Variants in WDR81 observed in about 807,000 individuals in gnomAD.
WDR81 encodes WD repeat domain 81, also known as WD repeat-containing protein 81.
Under a neutral mutation model 140.8 loss-of-function variants are expected in WDR81, and 92 were observed. The ratio of observed to expected loss-of-function variants is 0.65; its 90% CI spans 0.55 to 0.78. The LOEUF is 0.78. Among genes scored for constraint, WDR81 ranks in the 30% least tolerant of loss-of-function variants. The pLI is 0.00. For synonymous variants in WDR81, 1,183 were observed against 1,156.4 expected (o/e 1.02, Z -0.47); for missense variants, 2,502 against 2,636.4 (o/e 0.95, Z 1.12).
Position 1,725,697 on chromosome 17 carries a change from C to T in WDR81, c.738C>T (p.Val246=). 1 of 1,549,668 alleles carries T rather than the reference C, an allele frequency of 6.5e-7. No individual in the cohort carries two copies. The highest frequency in any genetic ancestry group is 8.7e-7 in the Non-Finnish European group (1 of 1,147,018). ...TACAGTTCTCCCTACATGACGTGGT[C>T]ACCTTCAGCCCTGCCAAGCTGACCA... The part of the protein sequence containing the change: ...PYVQFSLHDV[V]TFSPAKLTNS... Residue 246 remains valine, a synonymous_variant, in exon 1 of 10, where the codon GTC becomes GTT. Transcript: ENST00000409644.
rs1311315152 is a variant in WDR81 at position 1,716,912 on chromosome 17, T to C, written c.-124+279T>C. 5.5e-6 allele frequency: 3 copies of C among 550,332 alleles called. No homozygotes were observed. The African/African-American group carries it at 5.7e-5, about 10-fold the overall frequency. The allele number at this position is 550,332 out of a possible 1,614,324, so 34.1% of individuals were successfully genotyped here. On this transcript the variant is annotated intron_variant, in intron 1 of 10. Coordinates refer to the WDR81 transcript ENST00000309182. ...GTGCTCGCCTCGCCCAGCCCACTCC[T>C]CCTGGGGGCTCTTCCTAACCACAGG... is the stretch of plus-strand genomic sequence containing the variant.
Position 1,728,526 on chromosome 17 carries a change from C to T in WDR81, c.3567C>T (p.Ser1189=), listed in dbSNP as rs1915461139. ...TCACTCTGTCTGACACGGTGCTGTC[C>T]ATGGAGACGGTTGTGGCCGGCGGCA... ...SELTLSDTVL[S]METVVAGGSG... Residue 1189 remains serine, a synonymous_variant, in exon 1 of 10, where the codon TCC becomes TCT. Coordinates refer to ENST00000409644, the MANE Select transcript of WDR81 (RefSeq NM_001163809.2). 3 of 1,565,716 alleles carry T rather than the reference C, an allele frequency of 1.9e-6. No individual in the cohort carries two copies. Among genetic ancestry groups the T allele is most frequent in the Admixed American group, 1.9e-5 (1 of 52,036 alleles).
At chr17:1,734,672 A>T (rs1904698315) in intron 7 of WDR81, among the ~76,000 whole-genome samples, 1 of 151,804 alleles carries the variant, frequency 6.6e-6, no homozygotes, top group Non-Finnish European at 1.5e-5. Flanking sequence ...CCAACTACAC[A>T]GGAGGCTGAG....
In WDR81 at chr17:1,733,578, C is replaced by T. The variant is rs761871089; in HGVS notation, c.4541C>T (p.Ala1514Val). 31 of 1,531,044 alleles carry T rather than the reference C, an allele frequency of 2.0e-5. No individual in the cohort carries two copies. Among genetic ancestry groups the T allele is most frequent in the East Asian group, 2.3e-5 (1 of 44,014 alleles). The allele number at this position is 1,531,044 out of a possible 1,614,324, so 94.8% of individuals were successfully genotyped here. ...AACCACGAGCTGGTTGGGGAGCTGG[C>T]GGCGCTGTACTTGGAGAGCATCAGC... ...IPNHELVGEL[A>V]ALYLESISPS... Residue 1514 changes from alanine to valine, a missense_variant, in exon 7 of 10, where the codon GCG becomes GTG. Transcript: ENST00000409644.
Position 1,738,557 on chromosome 17 carries a change from T to C in WDR81, c.*872T>C, listed in dbSNP as rs1905082142. On this transcript the variant is annotated 3_prime_UTR_variant, in exon 10 of 10. Transcript: ENST00000409644. ...TCTCACAATTTGCAATAGATGTAAA[T>C]AGGACCAATAAATCCTTTGGAAGAG... is the stretch of plus-strand genomic sequence containing the variant. 1 of 152,270 alleles carries C rather than the reference T, an allele frequency of 6.6e-6. No individual in the cohort carries two copies. The highest frequency in any genetic ancestry group is 1.5e-5 in the Non-Finnish European group (1 of 68,490). 9.4% of individuals were successfully genotyped at this position (152,270 alleles called of 1,614,324 possible). A position where few individuals can be genotyped will look rare whatever the true frequency, so the allele number is the denominator to read the frequency against.
intron 6 of WDR81, chr17:1,733,058 G>A: frequency 1.8e-6 from 1 of 554,376 alleles, no homozygotes; most frequent in Non-Finnish European, 3.1e-6. Context: ...AGTGTCCCTG[G>A]GGAAGGCAGG....
rs772988628 is a variant in WDR81 at position 1,730,840 on chromosome 17, G to A, written c.3861G>A (p.Leu1287=). 2 of 1,612,750 alleles carry A rather than the reference G, an allele frequency of 1.2e-6. No homozygotes were observed. Among genetic ancestry groups the A allele is most frequent in the Non-Finnish European group, 1.7e-6 (2 of 1,179,972 alleles). The part of the protein sequence containing the change: ...AGNIYQKRPV[L]GDIVSGPVLS... ...ACATCTACCAGAAGAGGCCGGTCCT[G>A]GGCGACATCGTGTCAGGGCCTGTGC... The change falls in exon 3 of 10, where the codon CTG becomes CTA. Residue 1287 remains leucine (L), a synonymous_variant. Coordinates refer to ENST00000409644, the MANE Select transcript of WDR81 (RefSeq NM_001163809.2).
At position 1,727,541 on chromosome 17, in the gene WDR81, G is replaced by A. The variant is rs888823229; in HGVS notation, c.2582G>A (p.Ser861Asn). 40 of 1,550,316 alleles carry A rather than the reference G, an allele frequency of 2.6e-5. No individual in the cohort carries two copies. The highest frequency in any genetic ancestry group is 3.5e-5 in the Non-Finnish European group (40 of 1,147,004). Reference sequence around the variant, plus strand: ...CAGGGCCTGCCCCCACCCTGCCCAAGCCAGCTTCTCAGCCCCTTCAGCTCC... The same window carrying A: ...CAGGGCCTGCCCCCACCCTGCCCAAACCAGCTTCTCAGCCCCTTCAGCTCC... The part of the protein sequence containing the change: ...VSQGLPPPCP[S>N]QLLSPFSSVV... Residue 861 changes from serine (S) to asparagine (N), a missense_variant, in exon 1 of 10, where the codon AGC becomes AAC. Physicochemically the swap from Ser to Asn is conservative, Grantham distance 46. Transcript: ENST00000409644.
Position 1,735,994 on chromosome 17 carries a change from G to A in WDR81, c.5326-45G>A. ...TGGTGGGCAGGGCCTTGGGGAGTGT[G>A]AGATGGGAAGGTGGTGCCTCAGCTC... On this transcript the variant is annotated intron_variant, in intron 8 of 9. Coordinates refer to ENST00000409644, the MANE Select transcript of WDR81 (RefSeq NM_001163809.2). This position sits in a 1 kb window ranked among gnomAD's most constrained non-coding sequence, Gnocchi z 4.2. The A allele has an allele frequency of 6.4e-7, 1 of 1,554,580 alleles. No individual in the cohort carries two copies. The highest frequency in any genetic ancestry group is 8.7e-7 in the Non-Finnish European group (1 of 1,155,098).
rs184512325 is a variant in WDR81 at position 1,736,433 on chromosome 17, G to A, written c.5505+215G>A. On this transcript the variant is annotated intron_variant, in intron 9 of 9. Coordinates refer to ENST00000409644, the MANE Select transcript of WDR81 (RefSeq NM_001163809.2). ...TCAGCAGGAGGCAGGCCATGGGGGC[G>A]GGAGCCACGGGGCAGTGGGGCGGGA... is the stretch of plus-strand genomic sequence containing the variant. Among the ~76,000 whole-genome samples, 88 of 152,274 alleles carry A rather than the reference G, an allele frequency of 5.8e-4. 4 individuals are homozygous for A. In the East Asian group the frequency reaches 7.1e-3, roughly 12 times the overall value.
chr17:1,726,255 G>A lies in WDR81; in HGVS notation c.1296G>A (p.Gly432=). 6.5e-7 allele frequency: 1 copy of A among 1,534,884 alleles called. No homozygotes were observed. Among genetic ancestry groups the A allele is most frequent in the South Asian group, 1.2e-5 (1 of 81,444 alleles). Residue 432 remains glycine (G), a synonymous_variant, in exon 1 of 10, where the codon GGG becomes GGA. Coordinates refer to ENST00000409644, the MANE Select transcript of WDR81 (RefSeq NM_001163809.2). ...QAFVAGGAGG[G]EPPHVPHHIS... ...TCGTAGCAGGCGGGGCGGGCGGCGG[G>A]GAACCCCCTCATGTTCCCCACCACA... is the stretch of plus-strand genomic sequence containing the variant.
In WDR81 at chr17:1,734,144, G is replaced by T. The variant is rs770827829; in HGVS notation, c.5107G>T (p.Val1703Leu). 6.3e-7 allele frequency: 1 copy of T among 1,599,134 alleles called. No homozygotes were observed. Among genetic ancestry groups the T allele is most frequent in the Non-Finnish European group, 8.5e-7 (1 of 1,179,664 alleles). Reference sequence around the variant, plus strand: ...CCAGCACCGCAAGAGCGTCTTCTTCGTGGGCCAGCTTGAGGCCCCGCAGCA... The same window carrying T: ...CCAGCACCGCAAGAGCGTCTTCTTCTTGGGCCAGCTTGAGGCCCCGCAGCA... ...YTQHRKSVFF[V>L]GQLEAPQHVV... is the part of the protein sequence containing the mutation. Residue 1703 changes from valine to leucine, a missense_variant, in exon 7 of 10, where the codon GTG becomes TTG. Physicochemically the swap from Val to Leu is conservative, Grantham distance 32. Around this residue, in one of 3 missense-constraint regions of WDR81, gnomAD observed 1,737 missense variants for 1,843.0 expected, o/e 0.94. Transcript: ENST00000409644.
chr17:1,727,822 C>T lies in WDR81; in HGVS notation c.2863C>T (p.Pro955Ser). The change falls in exon 1 of 10, where the codon CCC (proline) becomes TCC (serine). Residue 955 changes from proline (P) to serine (S), a missense_variant. Pro to Ser is a moderately conservative substitution (Grantham distance 74). Around this residue, in one of 3 missense-constraint regions of WDR81, gnomAD observed 1,737 missense variants for 1,843.0 expected, o/e 0.94. Coordinates refer to ENST00000409644, the MANE Select transcript of WDR81 (RefSeq NM_001163809.2). ...TGAGCCTGTTGCCAAGGCACTGGGC[C>T]CCAAAAATGCCAATAAGTACCTCCT... ...LFEPVAKALGPKNANKYLLKP... is the reference protein window; with the variant it reads ...LFEPVAKALGSKNANKYLLKP... 1 of 1,550,600 alleles carries T rather than the reference C, an allele frequency of 6.4e-7. No individual in the cohort carries two copies. The highest frequency in any genetic ancestry group is 1.2e-5 in the South Asian group (1 of 84,066).
Position 1,735,632 on chromosome 17 carries a change from T to C in WDR81, c.5240T>C (p.Val1747Ala). 6.2e-7 allele frequency: 1 copy of C among 1,612,854 alleles called. No individual in the cohort carries two copies. Among genetic ancestry groups the C allele is most frequent in the Non-Finnish European group, 8.5e-7 (1 of 1,179,904 alleles). ...CGGGTGCCCCTGACTGCGGTGGCTG[T>C]CATGCCCGCCCCCCACACCAGCATC... ...DSRVPLTAVAVMPAPHTSITM... is the reference protein window; with the variant it reads ...DSRVPLTAVAAMPAPHTSITM... Residue 1747 changes from valine to alanine, a missense_variant, in exon 8 of 10, where the codon GTC (valine) becomes GCC (alanine). By Grantham distance (64) the Val-to-Ala change is moderately conservative (BLOSUM62 0). Around this residue, in one of 3 missense-constraint regions of WDR81, gnomAD observed 1,737 missense variants for 1,843.0 expected, o/e 0.94. Transcript: ENST00000409644. The surrounding 1 kb of genome is among the most constrained non-coding windows in gnomAD (Gnocchi z 4.2).
Position 1,737,632 on chromosome 17 carries a change from A to T in WDR81, c.5773A>T (p.Lys1925Ter), listed in dbSNP as rs1467317243. The change falls in exon 10 of 10, where the codon AAA becomes TAA. Residue 1925 changes from lysine to a stop codon, truncating the protein, a stop_gained. Coordinates refer to ENST00000409644, the MANE Select transcript of WDR81 (RefSeq NM_001163809.2). LOFTEE classifies it high-confidence loss of function. The stretch of plus-strand genomic sequence containing the variant: ...CACCAGCCTGGCCTTGCTGCCCACT[A>T]AACGCCACCTCCTGCTGGGCTCAGA... The part of the protein sequence containing the change: ...TLTSLALLPT[K>*]RHLLLGSDNG... 1 of 1,612,336 alleles carries T rather than the reference A, an allele frequency of 6.2e-7. No individual in the cohort carries two copies. Among genetic ancestry groups the T allele is most frequent in the Non-Finnish European group, 8.5e-7 (1 of 1,179,958 alleles).
Position 1,727,891 on chromosome 17 carries a change from G to A in WDR81, c.2932G>A (p.Gly978Ser), listed in dbSNP as rs777950860. 26 of 1,550,624 alleles carry A rather than the reference G, an allele frequency of 1.7e-5. No individual in the cohort carries two copies. Among genetic ancestry groups the A allele is most frequent in the South Asian group, 1.5e-4 (13 of 84,066 alleles). The change falls in exon 1 of 10, where the codon GGC (glycine) becomes AGC (serine). Residue 978 changes from glycine to serine, a missense_variant. By Grantham distance (56) the Gly-to-Ser change is moderately conservative. This residue lies in a region of WDR81 where 1,737 missense variants were observed against 1,843.0 expected (regional missense o/e 0.94). Transcript: ENST00000409644. Reference protein sequence around the residue: ...GAYESPCQLHGRFYLYTDCFV... With the variant: ...GAYESPCQLHSRFYLYTDCFV... The stretch of plus-strand genomic sequence containing the variant: ...CTACGAGAGCCCCTGCCAGCTACAC[G>A]GCCGCTTCTACCTGTACACGGACTG...
At position 1,724,982 on chromosome 17, in the gene WDR81, G is replaced by C; in HGVS notation, c.23G>C (p.Arg8Pro). 1 of 1,459,636 alleles carries C rather than the reference G, an allele frequency of 6.9e-7. No homozygotes were observed. The highest frequency in any genetic ancestry group is 1.4e-5 in the South Asian group (1 of 70,832). 90.4% of individuals were successfully genotyped at this position (1,459,636 alleles called of 1,614,324 possible). A position where few individuals can be genotyped will look rare whatever the true frequency, so the allele number is the denominator to read the frequency against. ...GAGATGGCCCAGGGCAGCGGGGGGC[G>C]GGAAGGCGCTCTCAGAACCCCGGCC... MAQGSGGREGALRTPAGG... is the reference protein window; with the variant it reads MAQGSGGPEGALRTPAGG... Residue 8 changes from arginine to proline, a missense_variant, in exon 1 of 10, where the codon CGG becomes CCG. Coordinates refer to ENST00000409644, the MANE Select transcript of WDR81 (RefSeq NM_001163809.2).
chr17:1,737,178 C>T (rs766088329), intron 9 of WDR81, among the ~76,000 whole-genome samples, 187 bp from the exon 10 acceptor site: 6 of 152,156 alleles, frequency 3.9e-5, no homozygotes, highest in East Asian at 1.9e-4. Context: ...GACTGGGTTA[C>T]GGATGCTGAG....
chr17:1,722,701 T>C (rs1024217599), upstream of WDR81, among the ~76,000 whole-genome samples: 1 of 148,542 alleles, frequency 6.7e-6, no homozygotes, highest in Admixed American at 6.7e-5. Flanking sequence ...CTTTCTTTTT[T>C]TTTTTTTTTG....
Sources: gnomAD v4.1 joint callset for allele counts (sites outside exome capture counted in the v4.1 genomes callset) on GRCh38, gnomAD v4.1.1 for gene constraint, gnomAD v4.1.1 regional missense constraint, Gnocchi (gnomAD v3.1) non-coding constraint, MANE v1.5 for transcripts, NCBI Gene and HGNC (gene_info 2026-07-23, HGNC 2026-07-21) for gene names.